PITPNM3: variants seen among roughly 807,000 people sequenced by gnomAD.
The protein encoded by PITPNM3 is membrane-associated phosphatidylinositol transfer protein 3.
A neutral mutation model predicts 102.0 loss-of-function variants in PITPNM3; 26 were observed. The ratio of observed to expected loss-of-function variants is 0.25; its 90% CI spans 0.19 to 0.35. The LOEUF is 0.35. Ranked by LOEUF, PITPNM3 falls within the 10% of genes least tolerant of loss-of-function variation. The pLI is 1.00. For missense variants in PITPNM3, 1,083 were observed against 1,346.1 expected, an observed-to-expected ratio of 0.80 and a Z score of 3.06; for synonymous variants, 578 against 558.6, an observed-to-expected ratio of 1.03 and a Z score of -0.49.
At chr17:6,508,025 G>A (rs967986091) in intron 3 of PITPNM3, among the ~76,000 whole-genome samples, 2 of 151,530 alleles carry the variant, frequency 1.3e-5, no homozygotes, top group Admixed American at 1.3e-4. Context: ...GGATGCAGCT[G>A]GGGTTGCTGG....
chr17:6,499,071 G>A (rs555325561), intron 4 of PITPNM3, among the ~76,000 whole-genome samples: 75 of 152,182 alleles, frequency 4.9e-4, no homozygotes, highest in East Asian at 9.7e-4. Context: ...CAACTCGGCA[G>A]TAGGTCACCC....
intron 2 of PITPNM3, among the ~76,000 whole-genome samples, chr17:6,532,374 G>A (rs555524832): frequency 9.9e-5 from 15 of 152,154 alleles, no homozygotes; most frequent in Middle Eastern, 3.4e-3. Context: ...CCTTTAAAGC[G>A]CACAGCTGGG....
chr17:6,477,094 C>T lies in PITPNM3; in HGVS notation c.1020G>A (p.Arg340=). ...EDEEPKRPLP[R]KQSDSSTYDC... ...CATAGGTGGAGGAGTCGCTCTGTTT[C>T]CGCGGCAACGGCCTCTTGGGCTCCT... is the stretch of plus-strand genomic sequence containing the variant. The change falls in exon 9 of 20, where the codon CGG becomes CGA. Residue 340 remains arginine, a synonymous_variant. Coordinates refer to ENST00000262483, the MANE Select transcript of PITPNM3 (RefSeq NM_031220.4). 1 of 1,614,074 alleles carries T rather than the reference C, an allele frequency of 6.2e-7. No individual in the cohort carries two copies. Among genetic ancestry groups the T allele is most frequent in the Non-Finnish European group, 8.5e-7 (1 of 1,180,020 alleles).
chr17:6,503,517 C>T lies in PITPNM3; in HGVS notation c.274+10G>A, dbSNP rs1907311555. The T allele has an allele frequency of 6.2e-7, 1 of 1,612,762 alleles. No individual in the cohort carries two copies. The highest frequency in any genetic ancestry group is 8.5e-7 in the Non-Finnish European group (1 of 1,179,952). ...GAAGAAATGACCCCACAGGGTCAGGCTTGACTCACGCTGCTTCTCCTGGAG... is the reference window on the plus strand; with the variant it reads ...GAAGAAATGACCCCACAGGGTCAGGTTTGACTCACGCTGCTTCTCCTGGAG... On this transcript the variant is annotated intron_variant, in intron 4 of 19. Transcript: ENST00000262483.
rs1913846192 is a variant in PITPNM3 at position 6,451,784 on chromosome 17, T to A, written c.*3554A>T. 1 of 2,186 alleles carries A rather than the reference T, an allele frequency of 4.6e-4. No homozygotes were observed. Among genetic ancestry groups the A allele is most frequent in the African/African-American group, 5.4e-3 (1 of 184 alleles). 0.1% of individuals were successfully genotyped at this position (2,186 alleles called of 1,614,324 possible). Reference sequence around the variant, plus strand: ...CCCTAACTATGATTTTTACGAAGGTTTCCCCCAAGCCCGGAAGGAAAGGAA... The same window carrying A: ...CCCTAACTATGATTTTTACGAAGGTATCCCCCAAGCCCGGAAGGAAAGGAA... On this transcript the variant is annotated 3_prime_UTR_variant, in exon 20 of 20. Transcript: ENST00000262483.
chr17:6,475,190 C>G (rs1407241867), intron 9 of PITPNM3, among the ~76,000 whole-genome samples: 1 of 152,208 alleles, frequency 6.6e-6, no homozygotes, highest in Non-Finnish European at 1.5e-5. Context: ...CAGATGCAAA[C>G]AGCTTGGTCT....
Position 6,458,615 on chromosome 17 carries a change from C to G in PITPNM3, c.2491-893G>C, listed in dbSNP as rs574772652. On this transcript the variant is annotated intron_variant, in intron 18 of 19. Transcript: ENST00000262483. This position sits in a 1 kb window ranked among gnomAD's most constrained non-coding sequence, Gnocchi z 5.1. ...GTCCGCTCCGCTCAGGGCTTCTGCC[C>G]CCTCCCCACCACTTCTCCGCCAGCC... 3.2e-3 allele frequency among the ~76,000 whole-genome samples: 493 copies of G among 152,246 alleles called. 11 individuals carry two copies. The highest frequency in any genetic ancestry group is 7.4e-3 in the East Asian group (38 of 5,170).
At chr17:6,456,737 G>A (rs888773852) in intron 19 of PITPNM3, among the ~76,000 whole-genome samples, 2 of 152,148 alleles carry the variant, frequency 1.3e-5, no homozygotes, top group African/African-American at 4.8e-5. Flanking sequence ...CCAGAGGGAG[G>A]TCAACTCCTT....
chr17:6,478,816 G>A lies in PITPNM3; in HGVS notation c.588-80C>T. On this transcript the variant is annotated intron_variant, in intron 6 of 19. Transcript: ENST00000262483. The surrounding 1 kb of genome is among the most constrained non-coding windows in gnomAD (Gnocchi z 4.4). ...TTGGGGCTGAGGATCAGGCAGAAGA[G>A]AGCACATACTGGCCAGGAATTGGGC... The A allele has an allele frequency of 1.4e-6, 2 of 1,393,480 alleles. No individual in the cohort carries two copies. Among genetic ancestry groups the A allele is most frequent in the Non-Finnish European group, 1.9e-6 (2 of 1,037,188 alleles). 86.3% of individuals were successfully genotyped at this position (1,393,480 alleles called of 1,614,324 possible). A position where few individuals can be genotyped will look rare whatever the true frequency, so the allele number is the denominator to read the frequency against.
intron 12 of PITPNM3, 62 bp downstream of exon 12, chr17:6,471,099 A>T (rs956950685): frequency 6.3e-7 from 1 of 1,586,608 alleles, no homozygotes; most frequent in African/African-American, 1.3e-5. Flanking sequence ...GGCCCAGCAA[A>T]CACCCAGAGG....
intron 4 of PITPNM3, among the ~76,000 whole-genome samples, chr17:6,491,937 A>T (rs373661193): frequency 2.9e-5 from 4 of 137,746 alleles, no homozygotes; most frequent in East Asian, 2.1e-4. Flanking sequence ...ATATATATAT[A>T]TTTTACTTTC....
In PITPNM3 at chr17:6,458,380, C is replaced by T. The variant is rs1904316835; in HGVS notation, c.2491-658G>A. ...ATCTTCTTTTTCTCCCACTCACACT[C>T]CTCTCAAGCCATTGGAGACTTTGGT... On this transcript the variant is annotated intron_variant, in intron 18 of 19. Transcript: ENST00000262483. This position sits in a 1 kb window ranked among gnomAD's most constrained non-coding sequence, Gnocchi z 5.1. 6.6e-6 allele frequency among the ~76,000 whole-genome samples: 1 copy of T among 152,140 alleles called. No individual in the cohort carries two copies. The highest frequency in any genetic ancestry group is 2.1e-4 in the South Asian group (1 of 4,828).
At chr17:6,484,070 C>A in intron 5 of PITPNM3, 146 bp downstream of exon 5, 1 of 911,740 alleles carries the variant, frequency 1.1e-6, no homozygotes, top group South Asian at 1.3e-5. Context: ...GAACCCAAAG[C>A]CCAGAGAAGG....
chr17:6,531,819 G>A (rs967104582), intron 2 of PITPNM3, among the ~76,000 whole-genome samples: 6 of 152,124 alleles, frequency 3.9e-5, no homozygotes, highest in Non-Finnish European at 5.9e-5. Context: ...CAAAGATGCC[G>A]AGCTTGGGTG....
chr17:6,521,775 G>A (rs1908538978), intron 3 of PITPNM3, among the ~76,000 whole-genome samples: 1 of 152,158 alleles, frequency 6.6e-6, no homozygotes, highest in African/African-American at 2.4e-5. Flanking sequence ...TGAATCCCAT[G>A]AGTCAGACGA....
chr17:6,478,598 C>G lies in PITPNM3; in HGVS notation c.726G>C (p.Gln242His). 6.2e-7 allele frequency: 1 copy of G among 1,614,100 alleles called. No homozygotes were observed. Among genetic ancestry groups the G allele is most frequent in the South Asian group, 1.1e-5 (1 of 91,076 alleles). Reference sequence around the variant, plus strand: ...AGGACTTCAGGAACTCTCTGTAGACCTGGTTGGCTCGCTCGATGACGGTGG... The same window carrying G: ...AGGACTTCAGGAACTCTCTGTAGACGTGGTTGGCTCGCTCGATGACGGTGG... ...AVATVIERAN[Q>H]VYREFLKSSD... The change falls in exon 7 of 20, where the codon CAG becomes CAC. Residue 242 changes from glutamine to histidine, a missense_variant. Physicochemically the swap from Gln to His is conservative, Grantham distance 24. This residue lies in a region of PITPNM3 where 290 missense variants were observed against 337.8 expected (regional missense o/e 0.86). Transcript: ENST00000262483. The surrounding 1 kb of genome is among the most constrained non-coding windows in gnomAD (Gnocchi z 4.4).
rs545857381 is a variant in PITPNM3, at chr17:6,502,250, G to A, written c.274+1277C>T. Among the ~76,000 whole-genome samples, 4 of 152,338 alleles carry A rather than the reference G, an allele frequency of 2.6e-5. No individual in the cohort carries two copies. In the East Asian group the frequency reaches 7.7e-4, roughly 29 times the overall value. ...AGATCACCTGAGGTCAGGAGTTCAA[G>A]AGTAGTAGCCCGGCCAACATGGCAA... On this transcript the variant is annotated intron_variant, in intron 4 of 19. Transcript: ENST00000262483.
At chr17:6,500,680 CT>C (rs35417905) in intron 4 of PITPNM3, among the ~76,000 whole-genome samples, 31,445 of 146,702 alleles carry the variant, frequency 0.21, 3,288 homozygotes, top group South Asian at 0.31. Flanking sequence ...TAAGAACACT[CT>C]TTTTTTTTTT....
intron 2 of PITPNM3, among the ~76,000 whole-genome samples, chr17:6,528,819 AC>A (rs1908985706): frequency 1.1e-4 from 17 of 152,098 alleles, no homozygotes; most frequent in Admixed American, 1.0e-3. Flanking sequence ...ACACACACAC[AC>A]ACATACACAC....
Sources: allele counts gnomAD v4.1 joint callset (sites outside exome capture counted in the v4.1 genomes callset), GRCh38; gene constraint gnomAD v4.1.1; regional missense constraint gnomAD v4.1.1; non-coding constraint Gnocchi (gnomAD v3.1); transcripts MANE v1.5; gene names NCBI Gene and HGNC (gene_info 2026-07-23, HGNC 2026-07-21).